CDK11B: variants seen among roughly 807,000 people sequenced by gnomAD.
CDK11B encodes the protein cyclin dependent kinase 11B.
In CDK11B, 37 loss-of-function variants were observed where a neutral mutation model predicts 84.0. The ratio of observed to expected loss-of-function variants is 0.44; its 90% confidence interval spans 0.34 to 0.58. The LOEUF (loss-of-function observed/expected upper bound fraction) is 0.58. Among genes scored for constraint, CDK11B ranks in the 20% least tolerant of loss-of-function variants. The probability of loss-of-function intolerance (pLI) is 0.02; values close to 1 mark genes in which losing one functional copy is unlikely to be tolerated. For missense variants in CDK11B, 427 were observed against 834.0 expected (o/e 0.51, Z 6.01); for synonymous variants, 269 against 309.8 (o/e 0.87, Z 1.38).
intron 4 of CDK11B, 63 bp downstream of exon 4, chr1:1,652,376 G>A (rs1642130627): frequency 6.7e-6 from 9 of 1,338,104 alleles, no homozygotes; most frequent in East Asian, 2.7e-5. Context: ...GAAGGCAGAA[G>A]AGTAGGAACA....
At chr1:1,640,252 G>T in intron 11 of CDK11B, 25 bp downstream of exon 11, 2 of 1,611,574 alleles carry the variant, frequency 1.2e-6, no homozygotes, top group Non-Finnish European at 1.7e-6. Context: ...GCGGACAGTG[G>T]CCCGGGGCGA....
intron 11 of CDK11B, 32 bp downstream of exon 11, chr1:1,640,245 G>T: frequency 6.2e-7 from 1 of 1,610,418 alleles, no homozygotes; most frequent in Admixed American, 1.7e-5. Context: ...TGCCAATGCG[G>T]ACAGTGGCCC....
intron 5 of CDK11B, chr1:1,646,598 A>G (rs1243850953): frequency 2.0e-6 from 1 of 511,816 alleles, no homozygotes; most frequent in Non-Finnish European, 3.9e-6. Flanking sequence ...TACACTTGCT[A>G]TCTGCAGTGC....
intron 3 of CDK11B, among the ~76,000 whole-genome samples, chr1:1,654,964 T>A (rs1410428706): frequency 3.3e-5 from 5 of 152,106 alleles, no homozygotes; most frequent in Admixed American, 2.6e-4. Context: ...GGCCTTTTTT[T>A]CCTTTTAAGA....
At chr1:1,655,519 A>G (rs771648733) in intron 2 of CDK11B, 35 bp from the exon 3 acceptor site, 31 of 1,546,362 alleles carry the variant, frequency 2.0e-5, no homozygotes, top group Admixed American at 1.0e-4. Context: ...CATTTTCTTT[A>G]TAAGTTTTTT....
intron 4 of CDK11B, among the ~76,000 whole-genome samples, chr1:1,649,936 A>C (rs1247083538): frequency 4.2e-5 from 6 of 141,658 alleles, no homozygotes; most frequent in African/African-American, 1.6e-4. Context: ...AGATCACGCC[A>C]CTGCACTACA....
At position 1,636,398 on chromosome 1, in the gene CDK11B, G is replaced by A. The variant is rs747816919; in HGVS notation, c.2001C>T (p.Pro667=). ...AVKKMTFSEH[P]YNNLRKRFGA... The stretch of plus-strand genomic sequence containing the variant: ...CGAAGCGCTTGCGGAGGTTGTTGTA[G>A]GGGTGCTCGCTGAAGGTCATCTTCT... Residue 667 remains proline, a synonymous_variant, in exon 18 of 20, where the codon CCC becomes CCT. Coordinates refer to ENST00000341832, the MANE Select transcript of CDK11B (RefSeq NM_033486.3). 1 of 1,610,558 alleles carries A rather than the reference G, an allele frequency of 6.2e-7. No individual in the cohort carries two copies. The highest frequency in any genetic ancestry group is 8.5e-7 in the Non-Finnish European group (1 of 1,178,262).
chr1:1,643,741 ACAGGCAGATGTGAG>A (rs1158061497), intron 6 of CDK11B, among the ~76,000 whole-genome samples: 3 of 142,748 alleles, frequency 2.1e-5, no homozygotes, highest in Non-Finnish European at 3.0e-5. Flanking sequence ...ACAGAAACTC[ACAGGCAGATGTGAG>A]CAGGCAGAAG....
At chr1:1,656,697 G>T (rs1642798507) in intron 2 of CDK11B, among the ~76,000 whole-genome samples, 1 of 152,176 alleles carries the variant, frequency 6.6e-6, no homozygotes, top group Non-Finnish European at 1.5e-5. Context: ...GGCTGAGGCA[G>T]GAGAATGGCG....
chr1:1,643,376 G>A (rs1185514032), intron 6 of CDK11B, among the ~76,000 whole-genome samples: 1 of 149,874 alleles, frequency 6.7e-6, no homozygotes. Flanking sequence ...ACACCCTTGA[G>A]TGGGGACCAG....
chr1:1,651,560 G>A lies in CDK11B; in HGVS notation c.355+879C>T, dbSNP rs1355833134. Among the ~76,000 whole-genome samples, 116 of 151,270 alleles carry A rather than the reference G, an allele frequency of 7.7e-4. 1 individual carries two copies. Among genetic ancestry groups the A allele is most frequent in the African/African-American group, 2.6e-3 (107 of 40,884 alleles). ...CCCTTCTGAATGGTCTGTGACACAC[G>A]CATGCTTTCAGCTGGAGTTTGCTCT... On this transcript the variant is annotated intron_variant, in intron 4 of 19. Coordinates refer to ENST00000341832, the MANE Select transcript of CDK11B (RefSeq NM_033486.3).
Position 1,636,491 on chromosome 1 carries a change from A to G in CDK11B, c.1918-10T>C. 6.2e-7 allele frequency: 1 copy of G among 1,609,100 alleles called. No individual in the cohort carries two copies. Among genetic ancestry groups the G allele is most frequent in the Non-Finnish European group, 8.5e-7 (1 of 1,177,708 alleles). On this transcript the variant is annotated splice_polypyrimidine_tract_variant and intron_variant, in intron 17 of 19. Transcript: ENST00000341832. ...TAGGGGTCCCCAGATCCTGAAAGAC[A>G]GAGGTGCTTCAACAGCCACACCAAG...
intron 13 of CDK11B, 56 bp from the exon 14 acceptor site, chr1:1,637,569 C>T (rs547721306): frequency 3.2e-4 from 509 of 1,606,794 alleles, no homozygotes; most frequent in Admixed American, 7.1e-4. Context: ...CCCACCCCTG[C>T]ACCCGGGTGC....
At chr1:1,654,760 G>A (rs1385643187) in intron 3 of CDK11B, among the ~76,000 whole-genome samples, 6 of 151,312 alleles carry the variant, frequency 4.0e-5, no homozygotes, top group Non-Finnish European at 5.9e-5. Flanking sequence ...CTGGGTTCAC[G>A]CCATTCTCTT....
chr1:1,649,688 C>T, intron 4 of CDK11B, 51 bp from the exon 5 acceptor site: 2 of 1,592,686 alleles, frequency 1.3e-6, no homozygotes, highest in Non-Finnish European at 1.7e-6. Context: ...AAAAATTTCA[C>T]ATGAAGCCGG....
intron 6 of CDK11B, among the ~76,000 whole-genome samples, chr1:1,644,910 T>C (rs1373782432): frequency 2.0e-5 from 3 of 147,980 alleles, no homozygotes; most frequent in Non-Finnish European, 4.4e-5. Flanking sequence ...GGAGGATCAC[T>C]TGAACCCGGG....
intron 3 of CDK11B, chr1:1,654,221 G>A: frequency 2.2e-6 from 1 of 449,378 alleles, no homozygotes. Context: ...AAACAAACGA[G>A]AAACAGTTCA....
At position 1,657,230 on chromosome 1, in the gene CDK11B, AT is replaced by A. The variant is rs760941675; in HGVS notation, c.111+144del. 5 of 1,614,028 alleles carry A rather than the reference AT, an allele frequency of 3.1e-6. No individual in the cohort carries two copies. The South Asian group carries it at 5.5e-5, about 18-fold the overall frequency. ...ACTGAATATTTGAATGTTTTTGTTA[AT>A]TTTTAGAATAGATTTTGGGCTCACC... On this transcript the variant is annotated intron_variant, in intron 2 of 19. Transcript: ENST00000341832.
At chr1:1,642,630 AGGGTG>A in intron 6 of CDK11B, 122 bp from the exon 7 acceptor site, 1 of 106,732 alleles carries the variant, frequency 9.4e-6, no homozygotes, top group Non-Finnish European at 1.6e-5. Flanking sequence ...CAGCGTGCAC[AGGGTG>A]CTGACAGCAT....
Sources: gnomAD v4.1 joint callset for allele counts (sites outside exome capture counted in the v4.1 genomes callset) on GRCh38, gnomAD v4.1.1 for gene constraint, MANE v1.5 for transcripts, NCBI Gene and HGNC (gene_info 2026-07-23, HGNC 2026-07-21) for gene names.